RASGRF2: variants seen among roughly 807,000 people sequenced by gnomAD.
The protein encoded by RASGRF2 is Ras protein specific guanine nucleotide releasing factor 2.
A neutral mutation model predicts 151.0 loss-of-function variants in RASGRF2; 76 were observed. That is an observed-to-expected ratio of 0.50 (90% CI 0.42 to 0.61). RASGRF2 has a LOEUF of 0.61. Ranked by LOEUF, RASGRF2 falls within the 20% of genes least tolerant of loss-of-function variation. The pLI is 0.00. For synonymous variants in RASGRF2, 504 were observed against 566.5 expected (o/e 0.89, Z 1.57); for missense variants, 1,148 against 1,564.6 (o/e 0.73, Z 4.49).
At chr5:81,219,678 T>C in intron 25 of RASGRF2, 32 bp from the exon 26 acceptor site, 1 of 1,550,422 alleles carries the variant, frequency 6.4e-7, no homozygotes, top group Non-Finnish European at 8.9e-7. Context: ...GCTTTTGTTG[T>C]TGTCATTTTG....
intron 23 of RASGRF2, among the ~76,000 whole-genome samples, chr5:81,215,225 A>T (rs1392270312): frequency 6.7e-6 from 1 of 149,640 alleles, no homozygotes; most frequent in Non-Finnish European, 1.5e-5. Flanking sequence ...TGTAAATTCC[A>T]CTTGTCAAAA....
At chr5:81,074,552 AAG>A (rs1199768838) in intron 5 of RASGRF2, among the ~76,000 whole-genome samples, 1 of 152,182 alleles carries the variant, frequency 6.6e-6, no homozygotes, top group East Asian at 1.9e-4. Context: ...ATTTTGATCT[AAG>A]AAACTATGAA....
chr5:81,104,016 C>A (rs1200060831), intron 12 of RASGRF2, among the ~76,000 whole-genome samples: 1 of 151,636 alleles, frequency 6.6e-6, no homozygotes, highest in Non-Finnish European at 1.5e-5. Context: ...TGGGCAGATA[C>A]ACAAATATAT....
intron 1 of RASGRF2, among the ~76,000 whole-genome samples, chr5:81,029,944 A>G (rs1750178054): frequency 6.6e-6 from 1 of 152,236 alleles, no homozygotes; most frequent in Non-Finnish European, 1.5e-5. Flanking sequence ...TAAACAATGT[A>G]GAGAAGACCT....
At position 80,960,664 on chromosome 5, in the gene RASGRF2, A is replaced by C; in HGVS notation, c.-75A>C. The C allele has an allele frequency of 7.8e-7, 1 of 1,276,714 alleles. No individual in the cohort carries two copies. 79.1% of individuals were successfully genotyped at this position (1,276,714 alleles called of 1,614,324 possible). A position where few individuals can be genotyped will look rare whatever the true frequency, so the allele number is the denominator to read the frequency against. ...CGGGACCTGAGCGGTCGCGCCCTCG[A>C]GGGAGCCAGCTGGGCCATGGCCGCG... On this transcript the variant is annotated 5_prime_UTR_variant, in exon 1 of 27. Transcript: ENST00000265080. The surrounding 1 kb of genome is among the most constrained non-coding windows in gnomAD (Gnocchi z 5.5).
At chr5:81,013,178 C>T (rs766359458) in intron 1 of RASGRF2, among the ~76,000 whole-genome samples, 66 of 152,272 alleles carry the variant, frequency 4.3e-4, no homozygotes, top group South Asian at 1.0e-3. Context: ...TCTGTCTTTC[C>T]TATAGTAGGT....
intron 18 of RASGRF2, among the ~76,000 whole-genome samples, chr5:81,197,579 A>G (rs1755295718): frequency 1.3e-5 from 2 of 151,994 alleles, no homozygotes; most frequent in African/African-American, 4.8e-5. Context: ...TGCATTGTCT[A>G]CAATTTGTGA....
In RASGRF2 at chr5:80,993,257, A is replaced by G. The variant is rs147203718; in HGVS notation, c.288+32231A>G. On this transcript the variant is annotated intron_variant, in intron 1 of 26. Transcript: ENST00000265080. ...TGGATGGACACCATATCCATGATAC[A>G]TTCTTCCGTGAATATTATTTTGCTC... 7.4e-3 allele frequency among the ~76,000 whole-genome samples: 1,132 copies of G among 152,352 alleles called. 7 individuals are homozygous for G. Among genetic ancestry groups the G allele is most frequent in the African/African-American group, 0.018 (754 of 41,578 alleles).
chr5:80,976,382 G>A (rs924256056), intron 1 of RASGRF2, among the ~76,000 whole-genome samples: 4 of 152,152 alleles, frequency 2.6e-5, no homozygotes, highest in African/African-American at 4.8e-5. Flanking sequence ...AAACCTTTAC[G>A]AAATGGCAAA....
At chr5:81,130,841 A>T (rs1406609258) in intron 17 of RASGRF2, among the ~76,000 whole-genome samples, 1 of 152,128 alleles carries the variant, frequency 6.6e-6, no homozygotes, top group Non-Finnish European at 1.5e-5. Context: ...TTCAGCTGTG[A>T]TACAGATAGA....
At chr5:81,110,790 A>G (rs79184420) in intron 13 of RASGRF2, among the ~76,000 whole-genome samples, 5,338 of 152,280 alleles carry the variant, frequency 0.035, 359 homozygotes, top group African/African-American at 0.12. Context: ...CTTTTTACGA[A>G]TGAGCAAATT....
chr5:81,194,854 A>G (rs978787460), intron 18 of RASGRF2, among the ~76,000 whole-genome samples: 2 of 152,202 alleles, frequency 1.3e-5, no homozygotes, highest in Non-Finnish European at 2.9e-5. Flanking sequence ...TCCACTGCAG[A>G]GCGTTGTTTG....
intron 18 of RASGRF2, among the ~76,000 whole-genome samples, chr5:81,182,141 A>G (rs78682851): frequency 0.034 from 5,247 of 152,228 alleles, 132 homozygotes; most frequent in Non-Finnish European, 0.053. Context: ...TCCATCTCCA[A>G]TTCCAGTTAG....
intron 5 of RASGRF2, among the ~76,000 whole-genome samples, chr5:81,077,691 G>A (rs1751978359): frequency 1.3e-5 from 2 of 152,194 alleles, no homozygotes; most frequent in African/African-American, 4.8e-5. Context: ...CACCAAGTGT[G>A]CAGTTTCAAC....
rs1755467680 is a variant in RASGRF2, at chr5:81,204,711, G to A, written c.2907-2134G>A. Among the ~76,000 whole-genome samples the A allele has an allele frequency of 2.0e-5, 3 of 152,140 alleles. No individual in the cohort carries two copies. In the South Asian group the frequency reaches 6.2e-4, roughly 31 times the overall value. ...ATGCCACAAAATAAAAAGAAATAGT[G>A]ATTAACTTCTTGGATGTTCAACTGT... On this transcript the variant is annotated intron_variant, in intron 19 of 26. Coordinates refer to ENST00000265080, the MANE Select transcript of RASGRF2 (RefSeq NM_006909.3).
chr5:81,023,272 A>T (rs1749894987), intron 1 of RASGRF2, among the ~76,000 whole-genome samples: 1 of 152,228 alleles, frequency 6.6e-6, no homozygotes, highest in African/African-American at 2.4e-5. Flanking sequence ...GTAGATATTG[A>T]ATTTAAAGAC....
chr5:81,126,059 T>C (rs1213580770), intron 16 of RASGRF2, among the ~76,000 whole-genome samples: 1 of 152,266 alleles, frequency 6.6e-6, no homozygotes, highest in East Asian at 1.9e-4. Flanking sequence ...TTAACGTGTG[T>C]ATTTATTTTA....
chr5:81,018,196 A>G (rs1237688850), intron 1 of RASGRF2, among the ~76,000 whole-genome samples: 1 of 152,194 alleles, frequency 6.6e-6, no homozygotes, highest in Non-Finnish European at 1.5e-5. Flanking sequence ...AGCTGGCACA[A>G]TGATCAGCTG....
At chr5:81,168,309 CTT>C (rs70994426) in intron 17 of RASGRF2, among the ~76,000 whole-genome samples, 3 of 115,986 alleles carry the variant, frequency 2.6e-5, no homozygotes, top group Non-Finnish European at 3.3e-5. Flanking sequence ...TTTTTCTTCT[CTT>C]TTTTTTTTTT....
Sources: allele counts gnomAD v4.1 joint callset (sites outside exome capture counted in the v4.1 genomes callset), GRCh38; gene constraint gnomAD v4.1.1; non-coding constraint Gnocchi (gnomAD v3.1); transcripts MANE v1.5; gene names NCBI Gene and HGNC (gene_info 2026-07-23, HGNC 2026-07-21).